Variants in YIPF6 observed in about 807,000 individuals in gnomAD.
YIPF6 encodes protein YIPF6.
YIPF6 carries 3 observed loss-of-function variants against 16.8 expected under a neutral mutation model. That is an observed-to-expected ratio of 0.18 (90% confidence interval 0.08 to 0.46). YIPF6 has a LOEUF of 0.46. Among genes scored for constraint, YIPF6 ranks in the 20% least tolerant of loss-of-function variants. The probability of loss-of-function intolerance (pLI) is 0.98; values close to 1 mark genes in which losing one functional copy is unlikely to be tolerated. For missense variants in YIPF6, 145 were observed against 184.9 expected, an observed-to-expected ratio of 0.78 and a Z score of 1.25; for synonymous variants, 67 against 61.9, an observed-to-expected ratio of 1.08 and a Z score of -0.38.
At chrX:68,505,452 T>A (rs1321969098) in intron 1 of YIPF6, among the ~76,000 whole-genome samples, 1 of 111,814 alleles carries the variant, frequency 8.9e-6, no homozygotes, top group Non-Finnish European at 1.9e-5. Flanking sequence ...TGCTGCAGAG[T>A]ATTCAAAGAG....
chrX:68,526,428 C>G (rs1302032215), intron 6 of YIPF6, among the ~76,000 whole-genome samples: 1 of 111,741 alleles, frequency 8.9e-6, no homozygotes, highest in African/African-American at 3.3e-5. Context: ...CATCTGCAAA[C>G]AGAGACAATT....
At chrX:68,499,451 C>T (rs912419518) in intron 1 of YIPF6, among the ~76,000 whole-genome samples, 1 of 111,841 alleles carries the variant, frequency 8.9e-6, no homozygotes, top group Non-Finnish European at 1.9e-5. Flanking sequence ...GCTGTCCCCT[C>T]ATTTTATCAA....
chrX:68,530,998 C>G (rs1040166779), intron 6 of YIPF6, among the ~76,000 whole-genome samples: 3 of 111,100 alleles, frequency 2.7e-5, no homozygotes, highest in Non-Finnish European at 3.8e-5. Flanking sequence ...ATGGTGCAAC[C>G]GTAACATATT....
rs1242574848 is a variant in YIPF6 at position 68,534,194 on chromosome X, C to CT, written c.*2196dup. On this transcript the variant is annotated 3_prime_UTR_variant, in exon 7 of 7. Transcript: ENST00000462683. ...AGCATTTACCCCAAGATAACTTTGC[C>CT]TACGAAATATTTCGCTTTTATTATT... 1.8e-5 allele frequency: 2 copies of CT among 111,931 alleles called. No homozygotes were observed. Among genetic ancestry groups the CT allele is most frequent in the Admixed American group, 1.9e-4 (2 of 10,562 alleles). 9.2% of individuals were successfully genotyped at this position (111,931 alleles called of 1,213,427 possible).
chrX:68,500,193 A>C (rs2079035670), intron 1 of YIPF6, among the ~76,000 whole-genome samples: 1 of 112,409 alleles, frequency 8.9e-6, no homozygotes, highest in Non-Finnish European at 1.9e-5. Flanking sequence ...AACGTGTCTA[A>C]TACTATCAGT....
Position 68,534,933 on chromosome X carries a change from C to G in YIPF6, c.*2934C>G, listed in dbSNP as rs780655081. On this transcript the variant is annotated 3_prime_UTR_variant, in exon 7 of 7. Coordinates refer to ENST00000462683, the MANE Select transcript of YIPF6 (RefSeq NM_173834.4). ...TGCCATCATGAGTAATCACTTGCTG[C>G]TCCTACTTCTGAGACCAAGACTCTT... 8.9e-6 allele frequency: 1 copy of G among 112,354 alleles called. No individual in the cohort carries two copies. Among genetic ancestry groups the G allele is most frequent in the African/African-American group, 3.2e-5 (1 of 30,983 alleles). The allele number at this position is 112,354 out of a possible 1,213,427, so 9.3% of individuals were successfully genotyped here.
intron 1 of YIPF6, among the ~76,000 whole-genome samples, chrX:68,507,484 G>A (rs1212884513): frequency 1.8e-5 from 2 of 111,445 alleles, no homozygotes; most frequent in African/African-American, 6.5e-5. Context: ...AGTGTTGATA[G>A]TTTTATTCTT....
intron 4 of YIPF6, 109 bp from the exon 5 acceptor site, chrX:68,521,263 C>T: frequency 1.1e-6 from 1 of 917,150 alleles, no homozygotes; most frequent in Admixed American, 3.3e-5. Flanking sequence ...TACAGATCTT[C>T]AGGTGAGGTA....
At chrX:68,499,351 T>C (rs780443769) in intron 1 of YIPF6, among the ~76,000 whole-genome samples, 1 of 112,356 alleles carries the variant, frequency 8.9e-6, no homozygotes, top group East Asian at 2.8e-4. Flanking sequence ...CTCCGATCTT[T>C]CCTTTCCCAT....
At chrX:68,517,002 G>A (rs1216982946) in intron 3 of YIPF6, among the ~76,000 whole-genome samples, 5 of 110,502 alleles carry the variant, frequency 4.5e-5, no homozygotes, top group African/African-American at 1.6e-4. Flanking sequence ...TGTATTTTTA[G>A]TTAGAGACGG....
In YIPF6 at chrX:68,499,700, C is replaced by T. The variant is rs188449314; in HGVS notation, c.57+577C>T. ...TCACCCAGGCTGGAGGGCAGTGGCGCGGTCTCTGCTCACTGCAACCTCTGC... is the reference window on the plus strand; with the variant it reads ...TCACCCAGGCTGGAGGGCAGTGGCGTGGTCTCTGCTCACTGCAACCTCTGC... On this transcript the variant is annotated intron_variant, in intron 1 of 6. Transcript: ENST00000462683. Among the ~76,000 whole-genome samples the T allele has an allele frequency of 5.6e-3, 630 of 112,045 alleles. 3 individuals are homozygous for T. Among genetic ancestry groups the T allele is most frequent in the African/African-American group, 0.02 (604 of 30,841 alleles).
At chrX:68,512,081 T>A (rs1306646808) in intron 2 of YIPF6, 104 bp downstream of exon 2, 1 of 884,464 alleles carries the variant, frequency 1.1e-6, no homozygotes, top group Admixed American at 3.5e-5. Flanking sequence ...TGAATATATT[T>A]TATATACTGA....
intron 1 of YIPF6, among the ~76,000 whole-genome samples, chrX:68,511,256 T>C (rs984194998): frequency 5.3e-5 from 6 of 112,752 alleles, no homozygotes; most frequent in Non-Finnish European, 9.4e-5. Context: ...TTCTTAGGAA[T>C]TTGTAGATTT....
At chrX:68,510,583 ATATTTTATTTAT>A (rs1298652571) in intron 1 of YIPF6, 1 of 89,316 alleles carries the variant, frequency 1.1e-5, no homozygotes, top group African/African-American at 6.7e-5. Context: ...TTTATATTTT[ATATTTTATTTAT>A]TTTATTTATT....
At chrX:68,519,320 C>T (rs1194519428) in intron 4 of YIPF6, among the ~76,000 whole-genome samples, 3 of 110,476 alleles carry the variant, frequency 2.7e-5, no homozygotes, top group Non-Finnish European at 5.7e-5. Context: ...ATTGATAGAG[C>T]GGGAAAAAAT....
chrX:68,507,620 T>G (rs2079064655), intron 1 of YIPF6, among the ~76,000 whole-genome samples: 1 of 108,832 alleles, frequency 9.2e-6, no homozygotes, highest in Non-Finnish European at 1.9e-5. Flanking sequence ...TTTTTTTTTT[T>G]GAGATGGAGT....
At position 68,534,251 on chromosome X, in the gene YIPF6, A is replaced by G. The variant is rs1434537394; in HGVS notation, c.*2252A>G. The stretch of plus-strand genomic sequence containing the variant: ...TCATTCTAGTATATGGACTTTGGAA[A>G]CAAAAGACATTGTTCTATTTATAGC... On this transcript the variant is annotated 3_prime_UTR_variant, in exon 7 of 7. Coordinates refer to ENST00000462683, the MANE Select transcript of YIPF6 (RefSeq NM_173834.4). 2.7e-5 allele frequency: 3 copies of G among 111,825 alleles called. No individual in the cohort carries two copies. Among genetic ancestry groups the G allele is most frequent in the Non-Finnish European group, 5.6e-5 (3 of 53,161 alleles). 9.2% of individuals were successfully genotyped at this position (111,825 alleles called of 1,213,427 possible). A position where few individuals can be genotyped will look rare whatever the true frequency, so the allele number is the denominator to read the frequency against.
At chrX:68,522,995 A>G (rs1745211676) in intron 6 of YIPF6, 78 bp downstream of exon 6, 3 of 1,124,804 alleles carry the variant, frequency 2.7e-6, no homozygotes, top group Admixed American at 4.8e-5. Flanking sequence ...GAGGAGCAGT[A>G]TAAGTCCAAA....
intron 2 of YIPF6, among the ~76,000 whole-genome samples, chrX:68,512,961 A>G (rs1287964927): frequency 9.0e-6 from 1 of 111,082 alleles, no homozygotes; most frequent in Non-Finnish European, 1.9e-5. Flanking sequence ...TTGGAACCTC[A>G]TCTTCTATGA....
Sources: gnomAD v4.1 joint callset for allele counts (sites outside exome capture counted in the v4.1 genomes callset) on GRCh38, gnomAD v4.1.1 for gene constraint, MANE v1.5 for transcripts, NCBI Gene and HGNC (gene_info 2026-07-23, HGNC 2026-07-21) for gene names.